SLC25A21: variants seen among roughly 807,000 people sequenced by gnomAD.
SLC25A21 encodes the protein mitochondrial 2-oxodicarboxylate carrier.
In SLC25A21, 47 loss-of-function variants were observed where a neutral mutation model predicts 43.8. The observed-to-expected ratio is 1.07, with a 90% CI of 0.85 to 1.37. The LOEUF (loss-of-function observed/expected upper bound fraction) is 1.37. SLC25A21 is among the 40% of genes most tolerant of loss of function. The pLI, the probability that SLC25A21 is intolerant of heterozygous loss-of-function variation, is 0.00. For synonymous variants in SLC25A21, 131 were observed against 121.3 expected, an observed-to-expected ratio of 1.08 and a Z score of -0.52; for missense variants, 352 against 350.2, an observed-to-expected ratio of 1.00 and a Z score of -0.04.
chr14:36,688,540 C>T (rs553458608), intron 7 of SLC25A21, among the ~76,000 whole-genome samples: 1 of 152,330 alleles, frequency 6.6e-6, no homozygotes, highest in East Asian at 1.9e-4. Context: ...TTGCAAGCCC[C>T]TGGGCAGTAC....
intron 1 of SLC25A21, among the ~76,000 whole-genome samples, chr14:37,006,903 T>G (rs1366808634): frequency 2.0e-5 from 3 of 152,198 alleles, no homozygotes; most frequent in East Asian, 3.8e-4. Flanking sequence ...AAGTTACTAC[T>G]CACCCTACTC....
chr14:36,817,404 G>T (rs1249040131), intron 2 of SLC25A21, among the ~76,000 whole-genome samples: 2 of 152,084 alleles, frequency 1.3e-5, no homozygotes, highest in Non-Finnish European at 2.9e-5. Context: ...CATTTCAGGT[G>T]GGGAGATGAC....
At chr14:36,735,164 C>A (rs1884981383) in intron 3 of SLC25A21, among the ~76,000 whole-genome samples, 1 of 152,086 alleles carries the variant, frequency 6.6e-6, no homozygotes. Flanking sequence ...GTATTGCCAA[C>A]AGAAGAAATG....
chr14:37,172,217 G>A, intron 1 of SLC25A21, 64 bp downstream of exon 1: 3 of 1,488,642 alleles, frequency 2.0e-6, no homozygotes, highest in Admixed American at 4.1e-5. Flanking sequence ...TCTGGGCAAC[G>A]GTTTCAGGAC....
intron 1 of SLC25A21, among the ~76,000 whole-genome samples, chr14:37,154,809 A>G (rs1409637547): frequency 6.6e-6 from 1 of 151,520 alleles, no homozygotes; most frequent in Non-Finnish European, 1.5e-5. Flanking sequence ...CACCCAGCTA[A>G]TTTTGTATTT....
chr14:37,101,773 T>C (rs1305472330), intron 1 of SLC25A21, among the ~76,000 whole-genome samples: 2 of 152,140 alleles, frequency 1.3e-5, no homozygotes, highest in African/African-American at 4.8e-5. Flanking sequence ...GTATAGAAAA[T>C]GCAATAAAAA....
chr14:36,817,092 T>C (rs1237050698), intron 2 of SLC25A21, among the ~76,000 whole-genome samples: 1 of 152,216 alleles, frequency 6.6e-6, no homozygotes, highest in East Asian at 1.9e-4. Context: ...AATTTCTTTC[T>C]AGATGCATTT....
intron 1 of SLC25A21, among the ~76,000 whole-genome samples, chr14:36,888,508 T>C (rs1218882407): frequency 6.6e-6 from 1 of 151,980 alleles, no homozygotes; most frequent in Non-Finnish European, 1.5e-5. Context: ...TATATCTATA[T>C]ATGTTCTGTA....
intron 2 of SLC25A21, among the ~76,000 whole-genome samples, chr14:36,859,098 T>C (rs565475062): frequency 9.2e-5 from 14 of 152,346 alleles, no homozygotes; most frequent in African/African-American, 2.6e-4. Context: ...ATATTACTTA[T>C]GAAGTTAAGC....
At chr14:36,781,888 T>G (rs570944600) in intron 3 of SLC25A21, among the ~76,000 whole-genome samples, 1 of 152,220 alleles carries the variant, frequency 6.6e-6, no homozygotes, top group African/African-American at 2.4e-5. Context: ...TTATTTAATC[T>G]TGAAGAACTC....
At chr14:36,770,730 T>A (rs1189766875) in intron 3 of SLC25A21, among the ~76,000 whole-genome samples, 1 of 152,182 alleles carries the variant, frequency 6.6e-6, no homozygotes, top group Non-Finnish European at 1.5e-5. Flanking sequence ...TTGACTTATG[T>A]CTTTCTTACT....
intron 1 of SLC25A21, among the ~76,000 whole-genome samples, chr14:37,133,640 C>A (rs1032911773): frequency 2.0e-5 from 3 of 151,650 alleles, no homozygotes; most frequent in African/African-American, 4.8e-5. Flanking sequence ...AAAAAAAAAA[C>A]CACCAACACC....
chr14:36,797,331 CT>C (rs893312453), intron 3 of SLC25A21, among the ~76,000 whole-genome samples: 5 of 152,164 alleles, frequency 3.3e-5, no homozygotes, highest in Non-Finnish European at 7.4e-5. Context: ...CAATCTAATG[CT>C]GTTGATATGT....
At chr14:36,891,151 C>A (rs529720185) in intron 1 of SLC25A21, among the ~76,000 whole-genome samples, 1 of 152,104 alleles carries the variant, frequency 6.6e-6, no homozygotes, top group African/African-American at 2.4e-5. Flanking sequence ...GTGGCCCTAA[C>A]TTTCTGTCAA....
chr14:37,018,449 A>G (rs1165998921), intron 1 of SLC25A21, among the ~76,000 whole-genome samples: 1 of 152,022 alleles, frequency 6.6e-6, no homozygotes, highest in East Asian at 1.9e-4. Flanking sequence ...ATTGTATTCC[A>G]TATACATACA....
intron 1 of SLC25A21, among the ~76,000 whole-genome samples, chr14:37,108,924 T>C (rs2415385): frequency 0.8 from 121,493 of 152,034 alleles, 51,378 homozygotes; most frequent in South Asian, 0.95. Flanking sequence ...CCCCACACTC[T>C]AATTTTTGAA....
chr14:36,997,148 G>C (rs1029676746), intron 1 of SLC25A21, among the ~76,000 whole-genome samples: 6 of 152,022 alleles, frequency 3.9e-5, no homozygotes, highest in Admixed American at 2.6e-4. Context: ...AAAAGAATGA[G>C]GGATTCCCCC....
At chr14:36,766,441 G>C (rs1169620813) in intron 3 of SLC25A21, among the ~76,000 whole-genome samples, 2 of 152,082 alleles carry the variant, frequency 1.3e-5, no homozygotes, top group Non-Finnish European at 2.9e-5. Flanking sequence ...GTATAATCCT[G>C]GTCAGATTTC....
chr14:37,130,965 A>C (rs1963382722), intron 1 of SLC25A21, among the ~76,000 whole-genome samples: 1 of 152,228 alleles, frequency 6.6e-6, no homozygotes, highest in Non-Finnish European at 1.5e-5. Context: ...CACTACAAAC[A>C]AAAAGCCAAA....
Sources: allele counts gnomAD v4.1 joint callset (sites outside exome capture counted in the v4.1 genomes callset), GRCh38; gene constraint gnomAD v4.1.1; transcripts MANE v1.5; gene names NCBI Gene and HGNC (gene_info 2026-07-23, HGNC 2026-07-21).